The following DNM3 variants were observed in gnomAD, a reference collection of about 807,000 sequenced individuals.
The protein encoded by DNM3 is dynamin-3.
DNM3 carries 47 observed loss-of-function variants against 101.6 expected under a neutral mutation model. The observed-to-expected ratio is 0.46, with a 90% CI of 0.37 to 0.59. The LOEUF is 0.59. Among genes scored for constraint, DNM3 ranks in the 20% least tolerant of loss-of-function variants. The pLI is 0.00. For missense variants in DNM3, 849 were observed against 1,085.7 expected (o/e 0.78, Z 3.06); for synonymous variants, 385 against 387.9 (o/e 0.99, Z 0.09).
chr1:172,112,336 G>A (rs757031590), intron 13 of DNM3, among the ~76,000 whole-genome samples: 19 of 152,148 alleles, frequency 1.2e-4, no homozygotes, highest in Non-Finnish European at 2.2e-4. Flanking sequence ...TGTAGTATGT[G>A]GTAGAGCTAG....
At chr1:172,327,358 T>A (rs949144335) in intron 17 of DNM3, among the ~76,000 whole-genome samples, 4 of 152,140 alleles carry the variant, frequency 2.6e-5, no homozygotes, top group African/African-American at 9.6e-5. Flanking sequence ...CCAAAGTATA[T>A]ATATTGAAGA....
chr1:172,356,126 T>C (rs1299047158), intron 17 of DNM3, among the ~76,000 whole-genome samples: 2 of 151,984 alleles, frequency 1.3e-5, no homozygotes, highest in Non-Finnish European at 2.9e-5. Context: ...TGAGGCCTAA[T>C]AAAGACACTT....
chr1:172,147,276 T>C (rs2057949570), intron 14 of DNM3, among the ~76,000 whole-genome samples: 1 of 152,182 alleles, frequency 6.6e-6, no homozygotes. Flanking sequence ...GTCATTCTGC[T>C]CTGAAAAGTC....
At chr1:172,339,974 G>A (rs1272892864) in intron 17 of DNM3, among the ~76,000 whole-genome samples, 4 of 152,140 alleles carry the variant, frequency 2.6e-5, no homozygotes, top group Non-Finnish European at 5.9e-5. Flanking sequence ...TAGGCAAGGA[G>A]TCCAATCACT....
At chr1:172,020,621 G>C (rs578042051) in intron 4 of DNM3, among the ~76,000 whole-genome samples, 1 of 151,062 alleles carries the variant, frequency 6.6e-6, no homozygotes, top group Non-Finnish European at 1.5e-5. Flanking sequence ...CTACTCGGGA[G>C]GCTGAGGCAG....
intron 15 of DNM3, among the ~76,000 whole-genome samples, chr1:172,302,119 A>G (rs942783054): frequency 6.6e-6 from 1 of 152,114 alleles, no homozygotes; most frequent in Non-Finnish European, 1.5e-5. Flanking sequence ...TTCCTAGCCA[A>G]GGGAAGCCGT....
At chr1:171,851,899 G>A (rs1174157598) in intron 1 of DNM3, among the ~76,000 whole-genome samples, 1 of 152,190 alleles carries the variant, frequency 6.6e-6, no homozygotes, top group Non-Finnish European at 1.5e-5. Flanking sequence ...AATGTAAAAT[G>A]TATTTCTTAC....
chr1:171,895,224 A>G (rs1558227412), intron 1 of DNM3, among the ~76,000 whole-genome samples: 1 of 152,342 alleles, frequency 6.6e-6, no homozygotes, highest in East Asian at 1.9e-4. Flanking sequence ...TGTCTTCCAC[A>G]GTGGTTGAAC....
chr1:171,841,540 C>G lies in DNM3; in HGVS notation c.-117C>G, dbSNP rs993676828. 1 of 1,405,064 alleles carries G rather than the reference C, an allele frequency of 7.1e-7. No homozygotes were observed. The highest frequency in any genetic ancestry group is 1.5e-5 in the African/African-American group (1 of 66,128). The allele number at this position is 1,405,064 out of a possible 1,614,324, so 87.0% of individuals were successfully genotyped here. A position where few individuals can be genotyped will look rare whatever the true frequency, so the allele number is the denominator to read the frequency against. On this transcript the variant is annotated 5_prime_UTR_variant, in exon 1 of 21. Coordinates refer to ENST00000627582, the MANE Select transcript of DNM3 (RefSeq NM_015569.5). Reference sequence around the variant, plus strand: ...TGGCGGCGGGCTCCGACGTCTGCGCCAGGACCTGGCTGGCTGAGCCCGGCG... The same window carrying G: ...TGGCGGCGGGCTCCGACGTCTGCGCGAGGACCTGGCTGGCTGAGCCCGGCG...
At chr1:172,342,782 C>T (rs141580924) in intron 17 of DNM3, among the ~76,000 whole-genome samples, 1 of 152,278 alleles carries the variant, frequency 6.6e-6, no homozygotes, top group East Asian at 1.9e-4. Context: ...CTATGACAGT[C>T]TTGTTCTTTG....
At chr1:171,882,343 C>CAAAAAA (rs3051601) in intron 1 of DNM3, among the ~76,000 whole-genome samples, 24 of 110,466 alleles carry the variant, frequency 2.2e-4, no homozygotes, top group African/African-American at 7.3e-4. Flanking sequence ...AACTCCGTCT[C>CAAAAAA]AAAAAAAAAA....
At chr1:172,032,642 T>C (rs1558455071) in intron 5 of DNM3, 142 bp downstream of exon 5, 1 of 498,128 alleles carries the variant, frequency 2.0e-6, no homozygotes, top group African/African-American at 2.0e-5. Flanking sequence ...TTATTATTAG[T>C]TATACTTTTC....
intron 1 of DNM3, among the ~76,000 whole-genome samples, chr1:171,921,287 AG>A (rs1221138112): frequency 5.3e-5 from 8 of 152,072 alleles, no homozygotes; most frequent in Non-Finnish European, 5.9e-5. Context: ...GTATATTTAG[AG>A]GATACAATCT....
chr1:172,261,367 T>G (rs1373421930), intron 15 of DNM3, among the ~76,000 whole-genome samples: 1 of 152,116 alleles, frequency 6.6e-6, no homozygotes, highest in Non-Finnish European at 1.5e-5. Flanking sequence ...AGTCTCTGTA[T>G]GACTTCTTCA....
At chr1:171,932,127 T>C (rs1030187479) in intron 2 of DNM3, among the ~76,000 whole-genome samples, 2 of 142,888 alleles carry the variant, frequency 1.4e-5, no homozygotes, top group African/African-American at 5.2e-5. Flanking sequence ...TTCCTCTCTC[T>C]TTCTCTCTTT....
At chr1:172,205,054 C>T (rs2060278747) in intron 14 of DNM3, among the ~76,000 whole-genome samples, 1 of 152,078 alleles carries the variant, frequency 6.6e-6, no homozygotes, top group Non-Finnish European at 1.5e-5. Context: ...CTGTGAAACT[C>T]TGTTCTAGTT....
chr1:172,213,320 G>A (rs772806796), intron 14 of DNM3, among the ~76,000 whole-genome samples: 1 of 151,972 alleles, frequency 6.6e-6, no homozygotes, highest in African/African-American at 2.4e-5. Context: ...AACTGTGTTG[G>A]CATGGTTAAT....
chr1:172,037,747 C>A (rs1424413171), intron 6 of DNM3, among the ~76,000 whole-genome samples: 1 of 152,080 alleles, frequency 6.6e-6, no homozygotes, highest in African/African-American at 2.4e-5. Context: ...GAGAGCTTTC[C>A]CTTACTCAGT....
intron 15 of DNM3, among the ~76,000 whole-genome samples, chr1:172,284,594 G>A (rs191954190): frequency 6.6e-6 from 1 of 152,084 alleles, no homozygotes; most frequent in African/African-American, 2.4e-5. Flanking sequence ...AATAAATCAA[G>A]AAATGAATAC....
Sources: gnomAD v4.1 joint callset for allele counts (sites outside exome capture counted in the v4.1 genomes callset) on GRCh38, gnomAD v4.1.1 for gene constraint, MANE v1.5 for transcripts, NCBI Gene and HGNC (gene_info 2026-07-23, HGNC 2026-07-21) for gene names.